The following EYA4 variants were observed in gnomAD, a reference collection of about 807,000 sequenced individuals.
EYA4 encodes the protein protein phosphatase EYA4.
A neutral mutation model predicts 87.9 loss-of-function variants in EYA4; 31 were observed. The observed-to-expected ratio is 0.35, with a 90% CI of 0.27 to 0.48. The LOEUF (loss-of-function observed/expected upper bound fraction) is 0.48, where lower values mean the gene tolerates loss of function less well. Among genes scored for constraint, EYA4 ranks in the 20% least tolerant of loss-of-function variants. EYA4 has a pLI of 0.99. For missense variants in EYA4, 678 were observed against 761.4 expected (o/e 0.89, Z 1.29); for synonymous variants, 263 against 270.6 (o/e 0.97, Z 0.28).
intron 2 of EYA4, among the ~76,000 whole-genome samples, chr6:133,338,878 G>A (rs1782577472): frequency 1.3e-5 from 2 of 151,628 alleles, no homozygotes; most frequent in Non-Finnish European, 2.9e-5. Flanking sequence ...TCAGAAATGG[G>A]CAGATGGATT....
At chr6:133,518,854 G>A (rs1025775256) in intron 17 of EYA4, among the ~76,000 whole-genome samples, 22 of 151,974 alleles carry the variant, frequency 1.4e-4, no homozygotes, top group African/African-American at 5.1e-4. Flanking sequence ...ACTCGAAACC[G>A]CTCAACTACA....
At chr6:133,406,655 T>G (rs368952123) in intron 3 of EYA4, among the ~76,000 whole-genome samples, 2 of 152,338 alleles carry the variant, frequency 1.3e-5, no homozygotes. Context: ...TTAGTTAAAT[T>G]CAATTAGATA....
intron 3 of EYA4, among the ~76,000 whole-genome samples, chr6:133,430,902 G>A (rs987036856): frequency 6.6e-6 from 1 of 152,178 alleles, no homozygotes; most frequent in Non-Finnish European, 1.5e-5. Flanking sequence ...AATAAAATGA[G>A]ATAATGGGAT....
intron 5 of EYA4, chr6:133,452,977 T>TA (rs996947908): frequency 1.3e-5 from 2 of 152,100 alleles, no homozygotes; most frequent in African/African-American, 4.8e-5. Flanking sequence ...GGTTGAGAAA[T>TA]ACGGTGCTTG....
intron 2 of EYA4, among the ~76,000 whole-genome samples, chr6:133,353,741 T>C (rs1271965804): frequency 1.3e-5 from 2 of 152,190 alleles, no homozygotes; most frequent in African/African-American, 4.8e-5. Flanking sequence ...CAGGCTTATC[T>C]AATTTTTACA....
At chr6:133,241,076 T>G (rs1040651177), upstream of EYA4, among the ~76,000 whole-genome samples, 1 of 151,930 alleles carries the variant, frequency 6.6e-6, no homozygotes, top group African/African-American at 2.4e-5. Context: ...GCACGGAGAT[T>G]ACGGCGGCGC....
At chr6:133,414,368 G>T (rs1286119879) in intron 3 of EYA4, among the ~76,000 whole-genome samples, 1 of 152,182 alleles carries the variant, frequency 6.6e-6, no homozygotes, top group Admixed American at 6.5e-5. Context: ...GTTTCATGAA[G>T]AATCCCTCGT....
intron 12 of EYA4, 39 bp downstream of exon 12, chr6:133,481,638 TTA>T (rs764669642): frequency 6.2e-7 from 1 of 1,602,022 alleles, no homozygotes; most frequent in Non-Finnish European, 8.6e-7. Flanking sequence ...GTGTGATGCT[TTA>T]TTTTACCGAA....
intron 2 of EYA4, among the ~76,000 whole-genome samples, chr6:133,292,065 G>A (rs1778533314): frequency 6.6e-6 from 1 of 152,094 alleles, no homozygotes; most frequent in Admixed American, 6.6e-5. Context: ...AATCCTAAGA[G>A]GTATTTAAAA....
intron 2 of EYA4, among the ~76,000 whole-genome samples, chr6:133,280,196 C>T (rs558280800): frequency 1.3e-5 from 2 of 152,224 alleles, no homozygotes; most frequent in East Asian, 1.9e-4. Context: ...AACTGAATAA[C>T]ATACTTCAGA....
In EYA4 at chr6:133,530,457, T is replaced by A; in HGVS notation, c.*1652T>A. Reference sequence around the variant, plus strand: ...TAAGAACTAGAGTATTTTTATGGTGTCTGCACCTGCAGTTCTGTGTTTAAA... The same window carrying A: ...TAAGAACTAGAGTATTTTTATGGTGACTGCACCTGCAGTTCTGTGTTTAAA... On this transcript the variant is annotated 3_prime_UTR_variant, in exon 20 of 20. Transcript: ENST00000355286. 1 of 985,748 alleles carries A rather than the reference T, an allele frequency of 1.0e-6. No homozygotes were observed. Among genetic ancestry groups the A allele is most frequent in the African/African-American group, 1.7e-5 (1 of 57,366 alleles). The allele number at this position is 985,748 out of a possible 1,614,324, so 61.1% of individuals were successfully genotyped here. A position where few individuals can be genotyped will look rare whatever the true frequency, so the allele number is the denominator to read the frequency against.
At chr6:133,299,082 C>T (rs1779165325) in intron 2 of EYA4, among the ~76,000 whole-genome samples, 1 of 152,104 alleles carries the variant, frequency 6.6e-6, no homozygotes. Context: ...CCACAAGCGA[C>T]TTGGGGGAAG....
chr6:133,296,325 A>C (rs2128306166), intron 2 of EYA4, among the ~76,000 whole-genome samples: 1 of 152,290 alleles, frequency 6.6e-6, no homozygotes, highest in Middle Eastern at 3.4e-3. Flanking sequence ...TCTGAGGGAG[A>C]CGTCAAGTCA....
intron 2 of EYA4, among the ~76,000 whole-genome samples, chr6:133,353,335 C>T (rs933700109): frequency 6.6e-5 from 10 of 152,044 alleles, no homozygotes; most frequent in Non-Finnish European, 1.2e-4. Flanking sequence ...AATGATGGTT[C>T]GTTAGTTCTG....
intron 2 of EYA4, among the ~76,000 whole-genome samples, chr6:133,347,867 C>G (rs1783315018): frequency 6.6e-6 from 1 of 152,116 alleles, no homozygotes; most frequent in Non-Finnish European, 1.5e-5. Context: ...GGAGGCAAAT[C>G]TGTAATTTAT....
chr6:133,470,590 A>T (rs1795251736), intron 11 of EYA4, among the ~76,000 whole-genome samples: 1 of 41,596 alleles, frequency 2.4e-5, no homozygotes. Flanking sequence ...TTTTGGTTCC[A>T]TATGAACTTT....
intron 1 of EYA4, among the ~76,000 whole-genome samples, chr6:133,261,062 G>C (rs977789801): frequency 2.0e-5 from 3 of 152,108 alleles, no homozygotes; most frequent in Admixed American, 2.0e-4. Flanking sequence ...TATTCATATA[G>C]TTCCTTTGTC....
chr6:133,480,687 G>A (rs1796131003), intron 11 of EYA4, among the ~76,000 whole-genome samples: 1 of 152,050 alleles, frequency 6.6e-6, no homozygotes, highest in Non-Finnish European at 1.5e-5. Context: ...ATATATTGGG[G>A]CAATTAACAT....
chr6:133,519,470 C>T (rs1267465104), intron 17 of EYA4, among the ~76,000 whole-genome samples: 1 of 151,004 alleles, frequency 6.6e-6, no homozygotes, highest in East Asian at 1.9e-4. Context: ...CTGAATAGAC[C>T]AATAACAGGA....
Sources: allele counts gnomAD v4.1 joint callset (sites outside exome capture counted in the v4.1 genomes callset), GRCh38; gene constraint gnomAD v4.1.1; transcripts MANE v1.5; gene names NCBI Gene and HGNC (gene_info 2026-07-23, HGNC 2026-07-21).